APP: variants seen among roughly 807,000 people sequenced by gnomAD.
APP encodes the protein amyloid beta precursor protein, also known as amyloid-beta precursor protein.
Under a neutral mutation model 101.4 loss-of-function variants are expected in APP, and 31 were observed. That is an observed-to-expected ratio of 0.31 (90% CI 0.23 to 0.41). The LOEUF is 0.41. APP is among the 10% of genes least tolerant of loss of function. APP has a pLI of 1.00. For synonymous variants in APP, 366 were observed against 364.4 expected, an observed-to-expected ratio of 1.00 and a Z score of -0.05; for missense variants, 839 against 1,003.7, an observed-to-expected ratio of 0.84 and a Z score of 2.22.
chr21:26,136,130 C>CAAAAA (rs566248174), intron 1 of APP, among the ~76,000 whole-genome samples: 15 of 50,348 alleles, frequency 3.0e-4, no homozygotes, highest in East Asian at 1.9e-3. Flanking sequence ...GACTCTGTCT[C>CAAAAA]AAAAAAGAAA....
At chr21:26,126,369 T>C (rs2062685128) in intron 1 of APP, among the ~76,000 whole-genome samples, 1 of 152,210 alleles carries the variant, frequency 6.6e-6, no homozygotes, top group Admixed American at 6.5e-5. Flanking sequence ...GCTAACCAAC[T>C]GTGCCCTAAT....
rs1050950168 is a variant in APP, at chr21:26,061,906, C to T, written c.356-8558G>A. On this transcript the variant is annotated intron_variant, in intron 3 of 17. Transcript: ENST00000346798. The stretch of plus-strand genomic sequence containing the variant: ...ACGTACCATATACACACACAGATGG[C>T]AGAGTGAGTATAAGACAGAATAGTG... Among the ~76,000 whole-genome samples the T allele has an allele frequency of 2.2e-4, 34 of 152,236 alleles. 1 individual carries two copies. Among genetic ancestry groups the T allele is most frequent in the African/African-American group, 7.9e-4 (33 of 41,542 alleles).
At chr21:26,157,402 A>G (rs2063398298) in intron 1 of APP, among the ~76,000 whole-genome samples, 2 of 152,198 alleles carry the variant, frequency 1.3e-5, no homozygotes, top group South Asian at 4.1e-4. Flanking sequence ...CGGGATCAAA[A>G]TGAAATGTTA....
chr21:25,969,347 CAAAAAAAAAAAAA>C (rs60834302), intron 11 of APP, among the ~76,000 whole-genome samples: 3 of 55,656 alleles, frequency 5.4e-5, no homozygotes, highest in South Asian at 5.5e-4. Context: ...GACTCTGTCT[CAAAAAAAAAAAAA>C]AAAAAAAAAA....
chr21:25,949,850 G>A (rs1569095590), intron 13 of APP, among the ~76,000 whole-genome samples: 1 of 152,152 alleles, frequency 6.6e-6, no homozygotes, highest in Non-Finnish European at 1.5e-5. Flanking sequence ...CACAGATTTT[G>A]GACTTCTGGC....
In APP at chr21:25,937,284, T is replaced by C. The variant is rs118139451; in HGVS notation, c.1687+17306A>G. 6.5e-3 allele frequency among the ~76,000 whole-genome samples: 983 copies of C among 152,310 alleles called. 20 individuals carry two copies. The highest frequency in any genetic ancestry group is 0.035 in the East Asian group (180 of 5,190). On this transcript the variant is annotated intron_variant, in intron 13 of 17. Transcript: ENST00000346798. Reference sequence around the variant, plus strand: ...ACTTTAAGAAACAAGGGAGTTTAAATTGCTCTGCTGTATAACCTGCAAAAT... The same window carrying C: ...ACTTTAAGAAACAAGGGAGTTTAAACTGCTCTGCTGTATAACCTGCAAAAT...
intron 5 of APP, among the ~76,000 whole-genome samples, chr21:26,030,135 C>T (rs183909633): frequency 2.6e-5 from 4 of 152,278 alleles, no homozygotes; most frequent in African/African-American, 9.6e-5. Context: ...CTAAACAATA[C>T]CCCTGGGACA....
At chr21:25,957,275 C>T (rs868415995) in intron 11 of APP, among the ~76,000 whole-genome samples, 5 of 151,920 alleles carry the variant, frequency 3.3e-5, no homozygotes, top group Non-Finnish European at 7.4e-5. Context: ...CCTTTTAAAT[C>T]TCAGAAGAAA....
intron 8 of APP, among the ~76,000 whole-genome samples, chr21:25,986,462 T>C (rs1197983054): frequency 1.3e-5 from 2 of 151,988 alleles, no homozygotes; most frequent in South Asian, 4.2e-4. Flanking sequence ...TCCCAGCACT[T>C]TGGGAGGCCG....
chr21:26,138,526 C>CA (rs10535530), intron 1 of APP, among the ~76,000 whole-genome samples: 5 of 140,804 alleles, frequency 3.6e-5, no homozygotes, highest in South Asian at 2.3e-4. Flanking sequence ...TCTGTCTCTA[C>CA]AAAAAAAAAA....
intron 1 of APP, among the ~76,000 whole-genome samples, chr21:26,166,454 G>T (rs1004997205): frequency 6.6e-6 from 1 of 152,042 alleles, no homozygotes; most frequent in Admixed American, 6.5e-5. Context: ...AAAAGGAAAA[G>T]ATTTTTTTAT....
At chr21:25,969,788 A>G (rs1205325116) in intron 11 of APP, among the ~76,000 whole-genome samples, 2 of 149,940 alleles carry the variant, frequency 1.3e-5, no homozygotes, top group Admixed American at 6.7e-5. Flanking sequence ...GCAGTGAGCT[A>G]CGACTGGACC....
intron 1 of APP, among the ~76,000 whole-genome samples, chr21:26,157,198 TA>T (rs2063393278): frequency 6.6e-6 from 1 of 152,086 alleles, no homozygotes. Flanking sequence ...GCCTCCCGAG[TA>T]ACTGAGACTA....
At chr21:25,993,623 G>A (rs759112389) in intron 8 of APP, among the ~76,000 whole-genome samples, 5 of 152,194 alleles carry the variant, frequency 3.3e-5, no homozygotes, top group Admixed American at 2.0e-4. Context: ...AACATCTGTC[G>A]AGAATTGGAT....
chr21:25,900,129 T>G (rs115923785), intron 15 of APP, among the ~76,000 whole-genome samples: 121 of 152,202 alleles, frequency 7.9e-4, no homozygotes, highest in African/African-American at 2.9e-3. Flanking sequence ...ATGCTAAAAC[T>G]CTCTTAATTC....
At chr21:25,957,019 G>T (rs1347616066) in intron 11 of APP, among the ~76,000 whole-genome samples, 2 of 152,156 alleles carry the variant, frequency 1.3e-5, no homozygotes, top group Admixed American at 1.3e-4. Flanking sequence ...GACCCAGAGG[G>T]TGCTCTGTAT....
chr21:26,162,909 CA>C (rs111971646), intron 1 of APP, among the ~76,000 whole-genome samples: 43 of 138,184 alleles, frequency 3.1e-4, no homozygotes, highest in East Asian at 4.2e-4. Flanking sequence ...AAGCATCAGG[CA>C]AAAAAAAAAA....
chr21:26,154,742 C>A (rs982580105), intron 1 of APP, among the ~76,000 whole-genome samples: 1 of 151,684 alleles, frequency 6.6e-6, no homozygotes, highest in Non-Finnish European at 1.5e-5. Context: ...TGATTTTGAA[C>A]AACTCAACAT....
At chr21:25,920,252 G>A (rs1271516207) in intron 13 of APP, among the ~76,000 whole-genome samples, 3 of 151,774 alleles carry the variant, frequency 2.0e-5, no homozygotes, top group South Asian at 4.2e-4. Flanking sequence ...AGGAACAACC[G>A]GTACCAGCCG....
Sources: gnomAD v4.1 joint callset for allele counts (sites outside exome capture counted in the v4.1 genomes callset) on GRCh38, gnomAD v4.1.1 for gene constraint, MANE v1.5 for transcripts, NCBI Gene and HGNC (gene_info 2026-07-23, HGNC 2026-07-21) for gene names.